CSNK1G1: variants seen among roughly 807,000 people sequenced by gnomAD.
CSNK1G1 encodes casein kinase 1 gamma 1.
In CSNK1G1, 22 loss-of-function variants were observed where a neutral mutation model predicts 59.6. The ratio of observed to expected loss-of-function variants is 0.37; its 90% confidence interval spans 0.26 to 0.53. CSNK1G1 has a LOEUF of 0.53. Among genes scored for constraint, CSNK1G1 ranks in the 20% least tolerant of loss-of-function variants. The probability of loss-of-function intolerance (pLI) is 0.89; values close to 1 mark genes in which losing one functional copy is unlikely to be tolerated. For synonymous variants in CSNK1G1, 179 were observed against 177.1 expected, an observed-to-expected ratio of 1.01 and a Z score of -0.08; for missense variants, 384 against 519.5, an observed-to-expected ratio of 0.74 and a Z score of 2.54.
At chr15:64,202,518 A>G (rs1186945353) in intron 10 of CSNK1G1, among the ~76,000 whole-genome samples, 1 of 150,238 alleles carries the variant, frequency 6.7e-6, no homozygotes, top group Admixed American at 6.6e-5. Context: ...GTTCCCCCCA[A>G]CAGCCAACAG....
chr15:64,297,591 A>G (rs1402250934), intron 2 of CSNK1G1, among the ~76,000 whole-genome samples: 1 of 152,044 alleles, frequency 6.6e-6, no homozygotes, highest in Admixed American at 6.6e-5. Flanking sequence ...CTAGCTATTA[A>G]GGAGGCTGAA....
chr15:64,266,012 A>G, intron 2 of CSNK1G1: 1 of 310,236 alleles, frequency 3.2e-6, no homozygotes, highest in South Asian at 2.8e-5. Context: ...TGAGTCTAGG[A>G]TCTTTGAGAT....
intron 10 of CSNK1G1, among the ~76,000 whole-genome samples, chr15:64,183,814 C>A (rs1259394364): frequency 6.6e-6 from 1 of 151,094 alleles, no homozygotes; most frequent in Admixed American, 6.6e-5. Context: ...TGGCTCACTG[C>A]AACCTCTACC....
chr15:64,248,071 G>A (rs553924521), intron 4 of CSNK1G1, among the ~76,000 whole-genome samples: 9 of 152,220 alleles, frequency 5.9e-5, no homozygotes, highest in Non-Finnish European at 1.0e-4. Flanking sequence ...TGTGGTCTTT[G>A]TGTGGCTTTG....
intron 8 of CSNK1G1, 110 bp from the exon 9 acceptor site, chr15:64,204,699 G>T: frequency 1.6e-6 from 2 of 1,273,746 alleles, no homozygotes; most frequent in Non-Finnish European, 2.2e-6. Context: ...ATTTGACACT[G>T]ATGTTTTCTT....
intron 10 of CSNK1G1, chr15:64,193,995 C>T (rs994871791): frequency 2.6e-5 from 4 of 152,492 alleles, no homozygotes; most frequent in African/African-American, 4.8e-5. Flanking sequence ...AGAGGTGAGC[C>T]GCAGTGACTA....
chr15:64,347,983 C>T (rs80043619), intron 1 of CSNK1G1, among the ~76,000 whole-genome samples: 5 of 147,268 alleles, frequency 3.4e-5, no homozygotes, highest in African/African-American at 1.3e-4. Context: ...TCCAGCCTGG[C>T]GACAGAGCAC....
chr15:64,314,680 A>G (rs893228359), intron 1 of CSNK1G1, among the ~76,000 whole-genome samples: 1 of 151,854 alleles, frequency 6.6e-6, no homozygotes, highest in South Asian at 2.1e-4. Context: ...CTCTGCTTCT[A>G]TGAGTTCAGT....
intron 2 of CSNK1G1, among the ~76,000 whole-genome samples, chr15:64,267,891 G>C (rs1365233259): frequency 6.6e-6 from 1 of 152,086 alleles, no homozygotes; most frequent in Non-Finnish European, 1.5e-5. Flanking sequence ...AAGGTGAGAG[G>C]ATCACTTGAG....
chr15:64,355,639 G>A (rs1898616059), intron 1 of CSNK1G1, among the ~76,000 whole-genome samples: 1 of 152,018 alleles, frequency 6.6e-6, no homozygotes, highest in East Asian at 1.9e-4. Context: ...CAGTCACCCT[G>A]ACGAGATCTG....
At chr15:64,308,408 A>C (rs1038221809) in intron 1 of CSNK1G1, among the ~76,000 whole-genome samples, 5 of 149,138 alleles carry the variant, frequency 3.4e-5, no homozygotes, top group Non-Finnish European at 7.4e-5. Flanking sequence ...CCCACTAGTT[A>C]TATACACATT....
chr15:64,209,242 C>A (rs2082221226), intron 6 of CSNK1G1, among the ~76,000 whole-genome samples: 1 of 152,088 alleles, frequency 6.6e-6, no homozygotes, highest in Non-Finnish European at 1.5e-5. Context: ...AGGGCTTTAT[C>A]TGAATAAACT....
At chr15:64,252,066 C>T (rs1293782666) in intron 3 of CSNK1G1, among the ~76,000 whole-genome samples, 1 of 151,582 alleles carries the variant, frequency 6.6e-6, no homozygotes, top group African/African-American at 2.4e-5. Context: ...AAGAGAGGCA[C>T]TATTAACATT....
At chr15:64,295,320 C>CA (rs1292190976) in intron 2 of CSNK1G1, among the ~76,000 whole-genome samples, 2 of 152,110 alleles carry the variant, frequency 1.3e-5, no homozygotes, top group South Asian at 2.1e-4. Flanking sequence ...TGATTTTTCA[C>CA]AAAAAAATTT....
At chr15:64,273,909 C>T (rs747705656) in intron 2 of CSNK1G1, among the ~76,000 whole-genome samples, 3 of 152,212 alleles carry the variant, frequency 2.0e-5, no homozygotes, top group Non-Finnish European at 4.4e-5. Context: ...TAAACAATAT[C>T]ATTCCACGCT....
chr15:64,325,189 G>A (rs566191470), intron 1 of CSNK1G1, among the ~76,000 whole-genome samples: 1 of 152,296 alleles, frequency 6.6e-6, no homozygotes, highest in South Asian at 2.1e-4. Flanking sequence ...TATATTTTAA[G>A]GAGAATGGAG....
At chr15:64,275,975 G>C (rs2140356606) in intron 2 of CSNK1G1, among the ~76,000 whole-genome samples, 1 of 152,198 alleles carries the variant, frequency 6.6e-6, no homozygotes, top group East Asian at 1.9e-4. Flanking sequence ...TCAGTGGCTG[G>C]ACTAGTTTCT....
At chr15:64,191,465 AT>A (rs1179123590) in intron 10 of CSNK1G1, among the ~76,000 whole-genome samples, 2 of 152,158 alleles carry the variant, frequency 1.3e-5, no homozygotes, top group Non-Finnish European at 2.9e-5. Flanking sequence ...CTGATCAACA[AT>A]TATTTCCATT....
chr15:64,273,184 GA>G (rs1282425664), intron 2 of CSNK1G1, among the ~76,000 whole-genome samples: 1 of 152,172 alleles, frequency 6.6e-6, no homozygotes, highest in African/African-American at 2.4e-5. Context: ...GAAGGATAAA[GA>G]TTGAAGGCTA....
Sources: gnomAD v4.1 joint callset for allele counts (sites outside exome capture counted in the v4.1 genomes callset) on GRCh38, gnomAD v4.1.1 for gene constraint, MANE v1.5 for transcripts, NCBI Gene and HGNC (gene_info 2026-07-23, HGNC 2026-07-21) for gene names.